Variants in CLIP4 observed in about 807,000 individuals in gnomAD.
CLIP4 encodes CAP-Gly domain containing linker protein family member 4, also known as CAP-Gly domain-containing linker protein 4.
In CLIP4, 47 loss-of-function variants were observed where a neutral mutation model predicts 73.1. The ratio of observed to expected loss-of-function variants is 0.64; its 90% confidence interval spans 0.51 to 0.82. CLIP4 has a LOEUF of 0.82. CLIP4 is among the 40% of genes least tolerant of loss of function. The pLI is 0.00. For missense variants in CLIP4, 874 were observed against 852.9 expected (o/e 1.02, Z -0.31); for synonymous variants, 306 against 295.4 (o/e 1.04, Z -0.37).
intron 6 of CLIP4, among the ~76,000 whole-genome samples, chr2:29,140,316 G>A (rs1190320483): frequency 6.6e-6 from 1 of 151,934 alleles, no homozygotes; most frequent in Non-Finnish European, 1.5e-5. Flanking sequence ...ACCTATGAGT[G>A]AGAATATGCG....
intron 1 of CLIP4, among the ~76,000 whole-genome samples, chr2:29,109,034 G>A (rs79980963): frequency 0.011 from 1,698 of 152,298 alleles, 26 homozygotes; most frequent in African/African-American, 0.038. Context: ...ACATTTTGGC[G>A]TTGGATGATT....
At chr2:29,143,982 G>A (rs1453948299) in intron 7 of CLIP4, 37 bp downstream of exon 7, 5 of 1,561,500 alleles carry the variant, frequency 3.2e-6, no homozygotes, top group Non-Finnish European at 4.4e-6. Flanking sequence ...AGCCAGGGTT[G>A]TTATGTCCAT....
At chr2:29,130,129 C>T (rs1412661496) in intron 2 of CLIP4, 4 of 465,354 alleles carry the variant, frequency 8.6e-6, no homozygotes. Flanking sequence ...GAGACTTACT[C>T]TAGAACTCCA....
At chr2:29,109,791 G>C (rs1280978976) in intron 1 of CLIP4, among the ~76,000 whole-genome samples, 3 of 152,144 alleles carry the variant, frequency 2.0e-5, no homozygotes, top group African/African-American at 7.2e-5. Flanking sequence ...CGGCATGACA[G>C]CTCATGCCTG....
Position 29,174,435 on chromosome 2 carries a change from G to A in CLIP4, c.1786G>A (p.Ala596Thr), listed in dbSNP as rs745738639. The A allele has an allele frequency of 1.9e-5, 31 of 1,611,468 alleles. No individual in the cohort carries two copies. Among genetic ancestry groups the A allele is most frequent in the Non-Finnish European group, 5.1e-6 (6 of 1,179,474 alleles). The part of the protein sequence containing the change: ...SSQKEINRRN[A>T]FSKSKAALRR... ...CCAAAAGGAGATTAACAGAAGAAAT[G>A]CTTTTTCCAAGTGAGTATTAAGAAG... The change falls in exon 15 of 16, where the codon GCT becomes ACT. Residue 596 changes from alanine (A) to threonine (T), a missense_variant. Ala to Thr is a moderately conservative substitution (Grantham distance 58, BLOSUM62 0). Transcript: ENST00000320081.
intron 6 of CLIP4, among the ~76,000 whole-genome samples, chr2:29,139,699 T>A (rs938843620): frequency 6.6e-6 from 1 of 152,156 alleles, no homozygotes; most frequent in African/African-American, 2.4e-5. Flanking sequence ...TTCTTCCTGG[T>A]TCTTGGAAGG....
At chr2:29,173,758 T>C (rs1378760357) in intron 14 of CLIP4, among the ~76,000 whole-genome samples, 1 of 152,208 alleles carries the variant, frequency 6.6e-6, no homozygotes, top group Non-Finnish European at 1.5e-5. Context: ...TTTTTAAAAA[T>C]TTACCTCTTG....
In CLIP4 at chr2:29,160,438, G is replaced by A. The variant is rs1031024054; in HGVS notation, c.1505G>A (p.Arg502Lys). The change falls in exon 12 of 16, where the codon AGG becomes AAG. Residue 502 changes from arginine to lysine, a missense_variant. By Grantham distance (26) the Arg-to-Lys change is conservative. Coordinates refer to ENST00000320081, the MANE Select transcript of CLIP4 (RefSeq NM_024692.6). ...LVVGQRLGTI[R>K]FFGTTNFAPG... ...GTAGGACAGAGACTGGGCACCATTA[G>A]GTTCTTTGGGACAACAAACTTCGCT... 1 of 1,614,066 alleles carries A rather than the reference G, an allele frequency of 6.2e-7. No homozygotes were observed. The highest frequency in any genetic ancestry group is 8.5e-7 in the Non-Finnish European group (1 of 1,180,004).
intron 1 of CLIP4, among the ~76,000 whole-genome samples, chr2:29,117,127 ATTGT>A (rs1479975087): frequency 6.6e-6 from 1 of 152,054 alleles, no homozygotes; most frequent in Non-Finnish European, 1.5e-5. Context: ...GCATTTGTAT[ATTGT>A]TTTCTCATCT....
At chr2:29,106,231 G>A (rs114167241) in intron 1 of CLIP4, among the ~76,000 whole-genome samples, 3,901 of 152,136 alleles carry the variant, frequency 0.026, 134 homozygotes, top group East Asian at 0.091. Flanking sequence ...TCAAATAATG[G>A]AAGTACTTAG....
chr2:29,142,561 G>T (rs539408308), intron 6 of CLIP4, among the ~76,000 whole-genome samples: 3 of 151,844 alleles, frequency 2.0e-5, no homozygotes, highest in African/African-American at 7.2e-5. Flanking sequence ...TTGAAATCTG[G>T]GATTAGAAGA....
In CLIP4 at chr2:29,100,367, A is replaced by T. The variant is rs181278598; in HGVS notation, c.-16+2420A>T. Among the ~76,000 whole-genome samples, 257 of 152,190 alleles carry T rather than the reference A, an allele frequency of 1.7e-3. 2 individuals carry two copies. The highest frequency in any genetic ancestry group is 5.8e-3 in the African/African-American group (241 of 41,508). On this transcript the variant is annotated intron_variant, in intron 1 of 14. Coordinates refer to the CLIP4 transcript ENST00000401605. The stretch of plus-strand genomic sequence containing the variant: ...TGAAATTAAATATTTTAAAAATTAG[A>T]CTTTATTTTTAAGTTTATAGAAAAT...
intron 14 of CLIP4, among the ~76,000 whole-genome samples, chr2:29,169,376 T>TCC (rs1667857273): frequency 7.0e-6 from 1 of 143,042 alleles, no homozygotes; most frequent in Admixed American, 7.1e-5. Flanking sequence ...TGTGTGTGTG[T>TCC]CCCACTCTCC....
At chr2:29,149,410 C>CTTTTTTTTTTTTT (rs71403647) in intron 8 of CLIP4, among the ~76,000 whole-genome samples, 1 of 138,334 alleles carries the variant, frequency 7.2e-6, no homozygotes, top group Non-Finnish European at 1.5e-5. Flanking sequence ...TTCTCCTTTT[C>CTTTTTTTTTTTTT]TTTTTTTTTT....
intron 8 of CLIP4, among the ~76,000 whole-genome samples, chr2:29,150,289 G>C: frequency 6.6e-6 from 1 of 152,170 alleles, no homozygotes; most frequent in East Asian, 1.9e-4. Flanking sequence ...AAGTTGAAGA[G>C]AAAGTACAAA....
chr2:29,138,225 G>A (rs1665510341), intron 6 of CLIP4, among the ~76,000 whole-genome samples: 1 of 151,946 alleles, frequency 6.6e-6, no homozygotes, highest in Admixed American at 6.6e-5. Context: ...TCTGCATATG[G>A]CTAGCCAGTT....
At chr2:29,179,878 A>G (rs1252334888) in intron 15 of CLIP4, among the ~76,000 whole-genome samples, 1 of 152,184 alleles carries the variant, frequency 6.6e-6, no homozygotes, top group East Asian at 1.9e-4. Flanking sequence ...ATAATTTAAG[A>G]CTATTTTCTA....
chr2:29,169,802 A>G (rs1667887532), intron 14 of CLIP4, among the ~76,000 whole-genome samples: 1 of 152,116 alleles, frequency 6.6e-6, no homozygotes, highest in Admixed American at 6.5e-5. Flanking sequence ...TTAAATATAC[A>G]ATGTTGTTAC....
chr2:29,154,493 A>G (rs376260656), intron 9 of CLIP4, among the ~76,000 whole-genome samples: 8 of 152,162 alleles, frequency 5.3e-5, no homozygotes, highest in Non-Finnish European at 4.4e-5. Context: ...TGGAATCCAC[A>G]TTGGTTTTTC....
Sources: gnomAD v4.1 joint callset for allele counts (sites outside exome capture counted in the v4.1 genomes callset) on GRCh38, gnomAD v4.1.1 for gene constraint, MANE v1.5 for transcripts, NCBI Gene and HGNC (gene_info 2026-07-23, HGNC 2026-07-21) for gene names.